Variants in SLC2A9 observed in about 807,000 individuals in gnomAD.
The protein encoded by SLC2A9 is solute carrier family 2 member 9.
Under a neutral mutation model 50.6 loss-of-function variants are expected in SLC2A9, and 39 were observed. That is an observed-to-expected ratio of 0.77 (90% CI 0.60 to 1.01). The LOEUF (loss-of-function observed/expected upper bound fraction) is 1.01. SLC2A9 is among the 50% of genes least tolerant of loss of function. The probability of loss-of-function intolerance (pLI) is 0.00; values close to 1 mark genes in which losing one functional copy is unlikely to be tolerated. For missense variants in SLC2A9, 686 were observed against 677.6 expected (o/e 1.01, Z -0.14); for synonymous variants, 324 against 276.9 (o/e 1.17, Z -1.69).
intron 5 of SLC2A9, among the ~76,000 whole-genome samples, chr4:9,965,028 G>T (rs1176790966): frequency 6.6e-6 from 1 of 152,194 alleles, no homozygotes; most frequent in African/African-American, 2.4e-5. Context: ...CATAAATGAC[G>T]CGATGACTGA....
At chr4:9,946,479 G>T (rs1320401937) in intron 5 of SLC2A9, among the ~76,000 whole-genome samples, 1 of 152,196 alleles carries the variant, frequency 6.6e-6, no homozygotes, top group Non-Finnish European at 1.5e-5. Flanking sequence ...CACGGTGAGG[G>T]GGTTGATGCT....
At chr4:9,930,332 G>A (rs73096618) in intron 6 of SLC2A9, among the ~76,000 whole-genome samples, 1,792 of 152,286 alleles carry the variant, frequency 0.012, 36 homozygotes, top group African/African-American at 0.041. Flanking sequence ...AGGAAATGTA[G>A]CTCCTCACAG....
chr4:9,836,763 G>A (rs6844216), intron 10 of SLC2A9, among the ~76,000 whole-genome samples: 24,251 of 152,224 alleles, frequency 0.16, 2,640 homozygotes, highest in African/African-American at 0.31. Context: ...AGCCTGGAGG[G>A]TGTAGGAGAG....
At chr4:9,789,497 G>T (rs943306497) in intron 3 of SLC2A9, among the ~76,000 whole-genome samples, 1 of 152,192 alleles carries the variant, frequency 6.6e-6, no homozygotes, top group East Asian at 1.9e-4. Context: ...GCAGTAGATG[G>T]ATAGAGTGGC....
intron 6 of SLC2A9, among the ~76,000 whole-genome samples, chr4:9,939,411 C>G (rs139290988): frequency 4.6e-5 from 7 of 152,318 alleles, no homozygotes; most frequent in Admixed American, 3.3e-4. Flanking sequence ...TAACACAGGG[C>G]CTCTTTTCCC....
intron 3 of SLC2A9, among the ~76,000 whole-genome samples, chr4:9,813,576 G>A (rs1283054103): frequency 2.6e-5 from 4 of 152,160 alleles, no homozygotes; most frequent in African/African-American, 4.8e-5. Flanking sequence ...CACTTATGAG[G>A]TGCCAGAAAA....
chr4:9,843,832 TG>T (rs1325225412), intron 10 of SLC2A9, among the ~76,000 whole-genome samples: 3 of 152,222 alleles, frequency 2.0e-5, no homozygotes, highest in Non-Finnish European at 4.4e-5. Context: ...GTAAGCTTCC[TG>T]GCTCCTGGAT....
At chr4:9,998,851 T>C (rs533563812) in intron 2 of SLC2A9, among the ~76,000 whole-genome samples, 8 of 152,048 alleles carry the variant, frequency 5.3e-5, no homozygotes, top group African/African-American at 1.9e-4. Context: ...CAAACACACA[T>C]GGGAAAACCT....
chr4:9,890,838 C>T lies in SLC2A9; in HGVS notation c.1114-127G>A, dbSNP rs564745879. 19 of 788,688 alleles carry T rather than the reference C, an allele frequency of 2.4e-5. No individual in the cohort carries two copies. In the South Asian group the frequency reaches 2.7e-4, roughly 11 times the overall value. The allele number at this position is 788,688 out of a possible 1,614,324, so 48.9% of individuals were successfully genotyped here. On this transcript the variant is annotated intron_variant, in intron 8 of 11. Transcript: ENST00000264784. ...CGGCTTTGACCCTGAGACAGTTGGG[C>T]CACCTTCTTTATGGCCACAGCCCTG...
Position 9,818,771 on chromosome 4 carries a change from C to A in SLC2A9, n.420+7649G>T, listed in dbSNP as rs186550472. 2.6e-5 allele frequency among the ~76,000 whole-genome samples: 4 copies of A among 152,288 alleles called. No individual in the cohort carries two copies. The East Asian group carries it at 7.7e-4, about 29-fold the overall frequency. On this transcript the variant is annotated intron_variant and non_coding_transcript_variant, in intron 3 of 3. Coordinates refer to the SLC2A9 transcript ENST00000503280. ...CAGCATTGACACAGTCTCTGTTCCT[C>A]CATCCAGGGATGGTCTAGCCCTTGT...
chr4:9,817,579 T>G (rs1412875830), intron 3 of SLC2A9, among the ~76,000 whole-genome samples: 2 of 152,262 alleles, frequency 1.3e-5, no homozygotes, highest in African/African-American at 4.8e-5. Context: ...GTCACATTTG[T>G]ATGAGTGTCC....
chr4:9,772,782 T>C (rs1375654657), intron 1 of SLC2A9, among the ~76,000 whole-genome samples: 2 of 152,150 alleles, frequency 1.3e-5, no homozygotes, highest in Non-Finnish European at 2.9e-5. Context: ...CCATGATATC[T>C]CTTCATAGTA....
chr4:9,955,575 T>C (rs1239263280), intron 5 of SLC2A9, among the ~76,000 whole-genome samples: 1 of 151,774 alleles, frequency 6.6e-6, no homozygotes, highest in Admixed American at 6.6e-5. Flanking sequence ...CCCTTGGTGC[T>C]CTCCAAGTGT....
chr4:9,857,307 G>T (rs1324374013), intron 10 of SLC2A9, among the ~76,000 whole-genome samples: 3 of 152,168 alleles, frequency 2.0e-5, no homozygotes, highest in Non-Finnish European at 2.9e-5. Context: ...TGAACAAAAA[G>T]TACTGAGTTC....
chr4:9,909,784 A>T (rs4376135), intron 7 of SLC2A9, among the ~76,000 whole-genome samples: 33,032 of 152,146 alleles, frequency 0.22, 4,164 homozygotes, highest in African/African-American at 0.35. Flanking sequence ...GTCCTAACTG[A>T]TGAATTCTGA....
intron 2 of SLC2A9, among the ~76,000 whole-genome samples, chr4:10,004,410 G>A (rs1379284926): frequency 2.6e-5 from 4 of 152,174 alleles, no homozygotes; most frequent in African/African-American, 9.7e-5. Flanking sequence ...CAAGCAAGGA[G>A]TGTAAGTACA....
chr4:9,990,377 G>A (rs1443385338), intron 3 of SLC2A9, among the ~76,000 whole-genome samples: 1 of 152,050 alleles, frequency 6.6e-6, no homozygotes, highest in Non-Finnish European at 1.5e-5. Context: ...TGCTGTGTTG[G>A]GTGCTAGGGG....
chr4:9,904,924 A>C (rs1289863665), intron 8 of SLC2A9, among the ~76,000 whole-genome samples: 3 of 152,168 alleles, frequency 2.0e-5, no homozygotes, highest in Non-Finnish European at 4.4e-5. Context: ...GAGAAGATGA[A>C]AGGGGGACAG....
intron 6 of SLC2A9, among the ~76,000 whole-genome samples, chr4:9,937,802 G>A (rs1013379200): frequency 1.3e-5 from 2 of 152,190 alleles, no homozygotes; most frequent in Admixed American, 6.5e-5. Context: ...TGGGTTCTGC[G>A]TTGGTTGTTG....
Sources: gnomAD v4.1 joint callset for allele counts (sites outside exome capture counted in the v4.1 genomes callset) on GRCh38, gnomAD v4.1.1 for gene constraint, MANE v1.5 for transcripts, NCBI Gene and HGNC (gene_info 2026-07-23, HGNC 2026-07-21) for gene names.